The following MACROD2 variants were observed in gnomAD, a reference collection of about 807,000 sequenced individuals.
MACROD2 encodes ADP-ribose glycohydrolase MACROD2.
MACROD2 carries 36 observed loss-of-function variants against 70.4 expected under a neutral mutation model. That is an observed-to-expected ratio of 0.51 (90% CI 0.39 to 0.68). The LOEUF (loss-of-function observed/expected upper bound fraction) is 0.68. MACROD2 is among the 30% of genes least tolerant of loss of function. MACROD2 has a pLI of 0.00. For synonymous variants in MACROD2, 172 were observed against 178.8 expected (o/e 0.96, Z 0.30); for missense variants, 496 against 538.4 (o/e 0.92, Z 0.78).
chr20:15,594,396 T>C (rs2048719821), intron 8 of MACROD2, among the ~76,000 whole-genome samples: 1 of 144,416 alleles, frequency 6.9e-6, no homozygotes, highest in South Asian at 2.1e-4. Flanking sequence ...CAGATCGTAC[T>C]ACTGCAAACA....
chr20:14,144,137 T>C (rs901226066), intron 3 of MACROD2, among the ~76,000 whole-genome samples: 3 of 152,186 alleles, frequency 2.0e-5, no homozygotes, highest in Non-Finnish European at 2.9e-5. Flanking sequence ...TGTTCTTTAC[T>C]TGTGCTCTTG....
At chr20:15,158,781 A>G (rs950255415) in intron 5 of MACROD2, among the ~76,000 whole-genome samples, 6 of 152,156 alleles carry the variant, frequency 3.9e-5, no homozygotes, top group Admixed American at 3.9e-4. Flanking sequence ...CTATGAAAAG[A>G]TCATTAACTT....
intron 3 of MACROD2, among the ~76,000 whole-genome samples, chr20:14,215,534 G>A (rs1257651925): frequency 1.3e-5 from 2 of 152,052 alleles, no homozygotes; most frequent in Admixed American, 6.5e-5. Flanking sequence ...CCCAGTAATG[G>A]GATTGCTGGA....
At chr20:14,977,570 C>T (rs1340547491) in intron 5 of MACROD2, among the ~76,000 whole-genome samples, 6 of 151,882 alleles carry the variant, frequency 4.0e-5, no homozygotes, top group Non-Finnish European at 7.4e-5. Flanking sequence ...GTCACATATC[C>T]TCTCTGCCTC....
chr20:15,976,235 A>G (rs933916543), intron 13 of MACROD2, among the ~76,000 whole-genome samples: 1 of 152,230 alleles, frequency 6.6e-6, no homozygotes, highest in Non-Finnish European at 1.5e-5. Context: ...AATTAAAGCT[A>G]AAGCATTAGC....
chr20:15,418,020 C>T (rs1181509434), intron 6 of MACROD2, among the ~76,000 whole-genome samples: 15 of 152,216 alleles, frequency 9.9e-5, no homozygotes, highest in Non-Finnish European at 1.5e-5. Flanking sequence ...ACCTCACTGA[C>T]TCTGTTCTGC....
At chr20:14,816,009 T>G (rs942841990) in intron 5 of MACROD2, among the ~76,000 whole-genome samples, 1 of 152,034 alleles carries the variant, frequency 6.6e-6, no homozygotes, top group African/African-American at 2.4e-5. Flanking sequence ...ATAACTCCGG[T>G]CCCCTTAACA....
In MACROD2 at chr20:15,651,808, T is replaced by C. The variant is rs187756239; in HGVS notation, c.645+151961T>C. Among the ~76,000 whole-genome samples the C allele has an allele frequency of 1.4e-3, 211 of 152,276 alleles. 4 individuals are homozygous for C. The Middle Eastern group carries it at 0.037, about 27-fold the overall frequency. On this transcript the variant is annotated intron_variant, in intron 8 of 17. Transcript: ENST00000684519. ...CCCATCTCGATCTCTATAAATTTCC[T>C]TTTCTGTTGAAGCACTAATGAAAAG...
chr20:15,332,185 TTAAA>T (rs898604010), intron 6 of MACROD2, among the ~76,000 whole-genome samples: 2 of 151,570 alleles, frequency 1.3e-5, no homozygotes, highest in African/African-American at 4.9e-5. Context: ...AAAAGAATAT[TTAAA>T]TATTCTTTTA....
intron 3 of MACROD2, among the ~76,000 whole-genome samples, chr20:14,094,841 C>T (rs1183801301): frequency 1.3e-5 from 2 of 152,154 alleles, no homozygotes; most frequent in African/African-American, 4.8e-5. Context: ...AATATCCCTG[C>T]CTTGCCAGTC....
intron 9 of MACROD2, among the ~76,000 whole-genome samples, chr20:15,880,940 T>C (rs2046935659): frequency 6.6e-6 from 1 of 152,130 alleles, no homozygotes; most frequent in Non-Finnish European, 1.5e-5. Flanking sequence ...TGGAATGCCT[T>C]CATAGACCTT....
rs146214052 is a variant in MACROD2, at chr20:14,279,123, G to T, written c.271+193395G>T. Among the ~76,000 whole-genome samples, 5 of 152,288 alleles carry T rather than the reference G, an allele frequency of 3.3e-5. No individual in the cohort carries two copies. In the East Asian group the frequency reaches 9.6e-4, roughly 29 times the overall value. On this transcript the variant is annotated intron_variant, in intron 3 of 17. Transcript: ENST00000684519. ...GTTTGAAGAAAAAATTCTAATTGAT[G>T]TGTTGTACATGGGGTACTAAAGGCT...
intron 5 of MACROD2, among the ~76,000 whole-genome samples, chr20:15,128,950 T>C (rs1053483605): frequency 6.6e-6 from 1 of 152,018 alleles, no homozygotes; most frequent in African/African-American, 2.4e-5. Flanking sequence ...TTTATACTCA[T>C]TTTAATGCTT....
chr20:15,097,801 C>T (rs774195803), intron 5 of MACROD2, among the ~76,000 whole-genome samples: 5 of 152,096 alleles, frequency 3.3e-5, no homozygotes, highest in Non-Finnish European at 7.4e-5. Flanking sequence ...TCATTTCTAT[C>T]GACAAACACG....
intron 8 of MACROD2, among the ~76,000 whole-genome samples, chr20:15,618,372 T>C (rs1177097987): frequency 6.6e-6 from 1 of 152,112 alleles, no homozygotes; most frequent in South Asian, 2.1e-4. Context: ...AACAAGGCAG[T>C]TATCTGCAAA....
intron 15 of MACROD2, among the ~76,000 whole-genome samples, chr20:15,993,697 A>G (rs956055200): frequency 6.6e-6 from 1 of 152,236 alleles, no homozygotes; most frequent in Non-Finnish European, 1.5e-5. Flanking sequence ...AACACTGAAT[A>G]TATCCATACA....
At chr20:14,825,160 C>T (rs1005012886) in intron 5 of MACROD2, among the ~76,000 whole-genome samples, 1 of 152,042 alleles carries the variant, frequency 6.6e-6, no homozygotes, top group Non-Finnish European at 1.5e-5. Flanking sequence ...ACTTACCACC[C>T]GATAAGTCTG....
At chr20:15,792,121 A>T (rs1253673154) in intron 8 of MACROD2, among the ~76,000 whole-genome samples, 1 of 152,096 alleles carries the variant, frequency 6.6e-6, no homozygotes, top group Non-Finnish European at 1.5e-5. Flanking sequence ...TAATACTGGC[A>T]TTCAAATCAT....
chr20:15,960,013 A>C (rs938048171), intron 12 of MACROD2, among the ~76,000 whole-genome samples: 11 of 152,184 alleles, frequency 7.2e-5, no homozygotes, highest in Non-Finnish European at 1.5e-4. Context: ...GAATGAGGAA[A>C]CCATTTCAGC....
Sources: gnomAD v4.1 joint callset for allele counts (sites outside exome capture counted in the v4.1 genomes callset) on GRCh38, gnomAD v4.1.1 for gene constraint, MANE v1.5 for transcripts, NCBI Gene and HGNC (gene_info 2026-07-23, HGNC 2026-07-21) for gene names.